HACE1: variants seen among roughly 807,000 people sequenced by gnomAD.
HACE1 encodes the protein HECT domain and ankyrin repeat containing E3 ubiquitin protein ligase 1.
HACE1 carries 73 observed loss-of-function variants against 118.4 expected under a neutral mutation model. That is an observed-to-expected ratio of 0.62 (90% confidence interval 0.51 to 0.75). HACE1 has a LOEUF of 0.75. Among genes scored for constraint, HACE1 ranks in the 30% least tolerant of loss-of-function variants. The pLI, the probability that HACE1 is intolerant of heterozygous loss-of-function variation, is 0.00. For synonymous variants in HACE1, 368 were observed against 374.8 expected, an observed-to-expected ratio of 0.98 and a Z score of 0.21; for missense variants, 749 against 1,102.2, an observed-to-expected ratio of 0.68 and a Z score of 4.54.
At chr6:104,809,072 A>C (rs1771323363) in intron 7 of HACE1, among the ~76,000 whole-genome samples, 1 of 152,206 alleles carries the variant, frequency 6.6e-6, no homozygotes, top group Non-Finnish European at 1.5e-5. Flanking sequence ...CTCTATTTTA[A>C]CTATTATAAA....
chr6:104,850,725 A>G (rs1291818641), intron 3 of HACE1, among the ~76,000 whole-genome samples, 182 bp downstream of exon 3: 3 of 152,210 alleles, frequency 2.0e-5, no homozygotes, highest in African/African-American at 7.2e-5. Flanking sequence ...AGATTTACAT[A>G]CAATCCCAAA....
At chr6:104,807,019 CT>C (rs371450175) in intron 7 of HACE1, among the ~76,000 whole-genome samples, 546 of 129,160 alleles carry the variant, frequency 4.2e-3, no homozygotes, top group Middle Eastern at 0.013. Context: ...TGTAAGAATT[CT>C]TTTTTTTTTT....
chr6:104,840,646 T>C (rs1278621878), intron 5 of HACE1, among the ~76,000 whole-genome samples: 1 of 151,752 alleles, frequency 6.6e-6, no homozygotes, highest in Non-Finnish European at 1.5e-5. Flanking sequence ...CTAGCTAACC[T>C]GGTAAAACCC....
At chr6:104,853,100 T>A (rs1038528067) in intron 1 of HACE1, among the ~76,000 whole-genome samples, 4 of 152,190 alleles carry the variant, frequency 2.6e-5, no homozygotes, top group Non-Finnish European at 5.9e-5. Flanking sequence ...TGAGGGCTCC[T>A]CTTTCATGAA....
intron 1 of HACE1, among the ~76,000 whole-genome samples, chr6:104,853,677 C>T (rs1304670033): frequency 1.3e-5 from 2 of 152,064 alleles, no homozygotes; most frequent in Admixed American, 6.6e-5. Flanking sequence ...GTGAAGAACC[C>T]AGCAGACACT....
chr6:104,747,645 C>A (rs1036603875), intron 20 of HACE1, among the ~76,000 whole-genome samples: 15 of 151,934 alleles, frequency 9.9e-5, no homozygotes, highest in African/African-American at 3.6e-4. Flanking sequence ...GAGTTCATAG[C>A]CTATCACTAA....
chr6:104,776,950 C>A, intron 16 of HACE1, 63 bp downstream of exon 16: 1 of 1,313,394 alleles, frequency 7.6e-7, no homozygotes, highest in South Asian at 1.2e-5. Flanking sequence ...AAACTTTATT[C>A]AAAAGGCATT....
intron 17 of HACE1, among the ~76,000 whole-genome samples, chr6:104,775,276 T>A (rs963765826): frequency 4.6e-5 from 7 of 151,890 alleles, no homozygotes; most frequent in Non-Finnish European, 4.4e-5. Context: ...TACCAGCTAC[T>A]CGGGAGGCTG....
chr6:104,789,530 A>C (rs1033997813), intron 11 of HACE1, among the ~76,000 whole-genome samples: 2 of 152,088 alleles, frequency 1.3e-5, no homozygotes, highest in Non-Finnish European at 2.9e-5. Flanking sequence ...AAAAAGGAAA[A>C]ACAGATATCC....
At chr6:104,749,735 T>C (rs1021493113) in intron 20 of HACE1, among the ~76,000 whole-genome samples, 36 of 151,424 alleles carry the variant, frequency 2.4e-4, no homozygotes, top group African/African-American at 8.2e-4. Flanking sequence ...AAAAAGAAAA[T>C]AGAGAAAAAT....
chr6:104,785,163 G>A lies in HACE1; in HGVS notation c.1231C>T (p.Pro411Ser). The A allele has an allele frequency of 6.2e-7, 1 of 1,613,998 alleles. No homozygotes were observed. The highest frequency in any genetic ancestry group is 8.5e-7 in the Non-Finnish European group (1 of 1,179,956). ...DAASIPPFEP[P>S]GPGSYENLST... ...AGATTTTCATAGCTCCCAGGTCCTGGAGGTTCAAATGGAGGAATGGAAGCA... is the reference window on the plus strand; with the variant it reads ...AGATTTTCATAGCTCCCAGGTCCTGAAGGTTCAAATGGAGGAATGGAAGCA... The change falls in exon 12 of 24, where the codon CCA becomes TCA. Residue 411 changes from proline to serine, a missense_variant. Transcript: ENST00000262903.
chr6:104,840,733 G>A (rs1333751428), intron 5 of HACE1, among the ~76,000 whole-genome samples: 1 of 152,140 alleles, frequency 6.6e-6, no homozygotes, highest in Non-Finnish European at 1.5e-5. Flanking sequence ...GGAGGCCAAG[G>A]CGGGCAGATC....
intron 22 of HACE1, 66 bp downstream of exon 22, chr6:104,744,094 A>G: frequency 1.1e-6 from 1 of 917,626 alleles, no homozygotes; most frequent in Non-Finnish European, 1.8e-6. Flanking sequence ...TATTTTAGTT[A>G]TCTCTAAGCC....
intron 6 of HACE1, among the ~76,000 whole-genome samples, chr6:104,823,720 G>C (rs1218764012): frequency 6.6e-6 from 1 of 150,722 alleles, no homozygotes; most frequent in Non-Finnish European, 1.5e-5. Flanking sequence ...TTGCCTTGCA[G>C]CACTGAAATG....
At chr6:104,830,534 T>A (rs937300410) in intron 6 of HACE1, among the ~76,000 whole-genome samples, 1 of 152,132 alleles carries the variant, frequency 6.6e-6, no homozygotes, top group Non-Finnish European at 1.5e-5. Flanking sequence ...TCCAATATTC[T>A]GTGAATTGTG....
At chr6:104,849,683 A>G (rs1243177156) in intron 3 of HACE1, among the ~76,000 whole-genome samples, 1 of 133,684 alleles carries the variant, frequency 7.5e-6, no homozygotes, top group African/African-American at 2.9e-5. Flanking sequence ...AGAGTCTCGC[A>G]TGTCACCCAG....
At chr6:104,820,314 T>C (rs568701694) in intron 6 of HACE1, among the ~76,000 whole-genome samples, 24 of 151,422 alleles carry the variant, frequency 1.6e-4, no homozygotes, top group African/African-American at 5.3e-4. Context: ...CTAAAAGCAA[T>C]TGGAACAAGA....
chr6:104,784,563 T>C (rs555755439), intron 12 of HACE1, 78 bp from the exon 13 acceptor site: 6 of 943,476 alleles, frequency 6.4e-6, no homozygotes, highest in South Asian at 1.4e-5. Flanking sequence ...AAATATATAC[T>C]GAACTGGACT....
At chr6:104,800,475 A>T (rs1467181947) in intron 7 of HACE1, among the ~76,000 whole-genome samples, 1 of 152,146 alleles carries the variant, frequency 6.6e-6, no homozygotes, top group East Asian at 1.9e-4. Flanking sequence ...GGCAACAGAC[A>T]CCTCATATAG....
Sources: gnomAD v4.1 joint callset for allele counts (sites outside exome capture counted in the v4.1 genomes callset) on GRCh38, gnomAD v4.1.1 for gene constraint, MANE v1.5 for transcripts, NCBI Gene and HGNC (gene_info 2026-07-23, HGNC 2026-07-21) for gene names.